The following OLFM2 variants were observed in gnomAD, a reference collection of about 807,000 sequenced individuals.
OLFM2 encodes noelin-2.
Under a neutral mutation model 43.9 loss-of-function variants are expected in OLFM2, and 20 were observed. The observed-to-expected ratio is 0.46, with a 90% CI of 0.32 to 0.66. The LOEUF (loss-of-function observed/expected upper bound fraction) is 0.66. OLFM2 is among the 30% of genes least tolerant of loss of function. OLFM2 has a pLI of 0.04. For missense variants in OLFM2, 416 were observed against 643.6 expected, an observed-to-expected ratio of 0.65 and a Z score of 3.83; for synonymous variants, 268 against 278.6, an observed-to-expected ratio of 0.96 and a Z score of 0.38.
chr19:9,887,739 CCT>C (rs2046600380), intron 1 of OLFM2, among the ~76,000 whole-genome samples: 1 of 152,128 alleles, frequency 6.6e-6, no homozygotes, highest in Non-Finnish European at 1.5e-5. Flanking sequence ...TCCCATCTCC[CCT>C]GAGTTAAAAG....
At position 9,854,923 on chromosome 19, in the gene OLFM2, C is replaced by A; in HGVS notation, c.688-60G>T. 1 of 1,316,180 alleles carries A rather than the reference C, an allele frequency of 7.6e-7. No homozygotes were observed. The highest frequency in any genetic ancestry group is 1.0e-6 in the Non-Finnish European group (1 of 965,808). 81.5% of individuals were successfully genotyped at this position (1,316,180 alleles called of 1,614,324 possible). A position where few individuals can be genotyped will look rare whatever the true frequency, so the allele number is the denominator to read the frequency against. On this transcript the variant is annotated intron_variant, in intron 5 of 5. Transcript: ENST00000264833. This position sits in a 1 kb window ranked among gnomAD's most constrained non-coding sequence, Gnocchi z 9.5. ...ACCACCAACGACCCAAGGGTCCCAG[C>A]ACCAGCTACAGCCATTAGAGTTCAA...
intron 1 of OLFM2, among the ~76,000 whole-genome samples, chr19:9,872,192 CCT>C (rs781618365): frequency 2.3e-4 from 35 of 152,240 alleles, no homozygotes; most frequent in Non-Finnish European, 4.4e-4. Context: ...GCAAATATCC[CCT>C]GAGTGATAAG....
rs1447695251 is a variant in OLFM2, at chr19:9,919,514, GCT to G, written c.63+16788_63+16789del. On this transcript the variant is annotated intron_variant, in intron 1 of 5. Coordinates refer to ENST00000264833, the MANE Select transcript of OLFM2 (RefSeq NM_058164.4). Reference sequence around the variant, plus strand: ...ATTTATTTATTTGAGACAGAGTCTCGCTCTGTCACTCAGGCTGGAGTGCAGTG... The same window carrying G: ...ATTTATTTATTTGAGACAGAGTCTCGCTGTCACTCAGGCTGGAGTGCAGTG... 7.3e-5 allele frequency among the ~76,000 whole-genome samples: 11 copies of G among 151,572 alleles called. No homozygotes were observed. In the East Asian group the frequency reaches 2.1e-3, roughly 29 times the overall value.
At chr19:9,916,213 C>T (rs941862109) in intron 1 of OLFM2, among the ~76,000 whole-genome samples, 7 of 151,932 alleles carry the variant, frequency 4.6e-5, no homozygotes, top group African/African-American at 7.3e-5. Flanking sequence ...AAAAGTTAGC[C>T]GGGTATGGTG....
chr19:9,913,609 C>T, intron 1 of OLFM2: 3 of 1,306,242 alleles, frequency 2.3e-6, no homozygotes, highest in East Asian at 3.7e-5. Flanking sequence ...TGAGCAGCGG[C>T]ACCGACATCG....
At chr19:9,910,043 T>C (rs898859964) in intron 1 of OLFM2, among the ~76,000 whole-genome samples, 1 of 152,030 alleles carries the variant, frequency 6.6e-6, no homozygotes, top group African/African-American at 2.4e-5. Context: ...TACCATCTCA[T>C]AAAGACTCTA....
At chr19:9,908,583 A>G (rs924390383) in intron 1 of OLFM2, among the ~76,000 whole-genome samples, 2 of 141,254 alleles carry the variant, frequency 1.4e-5, no homozygotes, top group Non-Finnish European at 3.0e-5. Flanking sequence ...GGTTCACGCC[A>G]TTCTCCTGCC....
chr19:9,883,105 G>A (rs2046554538), intron 1 of OLFM2, among the ~76,000 whole-genome samples: 1 of 151,666 alleles, frequency 6.6e-6, no homozygotes, highest in East Asian at 1.9e-4. Context: ...AGCTACTTGG[G>A]AGGCTGAGGC....
chr19:9,913,332 G>T lies in OLFM2; in HGVS notation c.63+22972C>A, dbSNP rs372984142. ...ACGTCCGACCCTGGAACCCCGAGAGGGCGTCCCCTACCCAGGCGTGCCGGG... is the reference window on the plus strand; with the variant it reads ...ACGTCCGACCCTGGAACCCCGAGAGTGCGTCCCCTACCCAGGCGTGCCGGG... On this transcript the variant is annotated intron_variant, in intron 1 of 5. Coordinates refer to ENST00000264833, the MANE Select transcript of OLFM2 (RefSeq NM_058164.4). 1.1e-3 allele frequency among the ~76,000 whole-genome samples: 173 copies of T among 152,262 alleles called. 1 individual carries two copies. Among genetic ancestry groups the T allele is most frequent in the African/African-American group, 3.8e-3 (159 of 41,574 alleles).
chr19:9,883,817 C>A (rs2046561576), intron 1 of OLFM2, among the ~76,000 whole-genome samples: 1 of 152,132 alleles, frequency 6.6e-6, no homozygotes, highest in South Asian at 2.1e-4. Context: ...GCACGGGGGA[C>A]CTCATCGCAC....
chr19:9,883,356 AT>A (rs1293600129), intron 1 of OLFM2, among the ~76,000 whole-genome samples: 1 of 152,102 alleles, frequency 6.6e-6, no homozygotes, highest in East Asian at 1.9e-4. Flanking sequence ...TTTCAGATGA[AT>A]CAATCTCAGA....
intron 1 of OLFM2, among the ~76,000 whole-genome samples, chr19:9,906,341 T>G (rs1285098308): frequency 6.6e-6 from 1 of 152,108 alleles, no homozygotes; most frequent in African/African-American, 2.4e-5. Flanking sequence ...GCTTAATTAA[T>G]TAGTCCTCAT....
chr19:9,904,251 C>T (rs1434253668), intron 1 of OLFM2, among the ~76,000 whole-genome samples: 2 of 150,516 alleles, frequency 1.3e-5, no homozygotes, highest in East Asian at 2.0e-4. Context: ...AGTGCAGGGG[C>T]AGGATCTCGG....
chr19:9,875,457 G>A (rs990049829), intron 1 of OLFM2, among the ~76,000 whole-genome samples: 13 of 151,962 alleles, frequency 8.6e-5, no homozygotes, highest in African/African-American at 3.1e-4. Flanking sequence ...TGCTGGGACT[G>A]AGGTGGCCTT....
chr19:9,930,939 C>T (rs755822953), intron 1 of OLFM2, among the ~76,000 whole-genome samples: 2 of 152,064 alleles, frequency 1.3e-5, no homozygotes, highest in Non-Finnish European at 2.9e-5. Context: ...GACCTGGGCA[C>T]CCCCATCCCA....
At chr19:9,935,976 T>G (rs1056622079) in intron 1 of OLFM2, among the ~76,000 whole-genome samples, 1 of 151,440 alleles carries the variant, frequency 6.6e-6, no homozygotes, top group South Asian at 2.1e-4. Context: ...ACCGCCCCCC[T>G]CCAATGCCCC....
At position 9,875,296 on chromosome 19, in the gene OLFM2, C is replaced by T. The variant is rs190290117; in HGVS notation, c.64-14502G>A. 2.6e-5 allele frequency among the ~76,000 whole-genome samples: 4 copies of T among 152,288 alleles called. No individual in the cohort carries two copies. In the East Asian group the frequency reaches 7.7e-4, roughly 29 times the overall value. ...TAGCAAGATGGGGTTTCTTCCTTCA[C>T]GGAGCTGTCACTTGATTTATCTGCT... On this transcript the variant is annotated intron_variant, in intron 1 of 5. Transcript: ENST00000264833.
At chr19:9,866,368 G>C (rs985152819) in intron 1 of OLFM2, among the ~76,000 whole-genome samples, 1 of 152,162 alleles carries the variant, frequency 6.6e-6, no homozygotes. Context: ...GGAACAGAGA[G>C]TGTCCTACTC....
chr19:9,884,492 G>A (rs538681306), intron 1 of OLFM2, among the ~76,000 whole-genome samples: 35 of 152,124 alleles, frequency 2.3e-4, no homozygotes, highest in Admixed American at 1.2e-3. Flanking sequence ...CAGGAGAATC[G>A]CTTGAACCTG....
Sources: allele counts gnomAD v4.1 joint callset (sites outside exome capture counted in the v4.1 genomes callset), GRCh38; gene constraint gnomAD v4.1.1; non-coding constraint Gnocchi (gnomAD v3.1); transcripts MANE v1.5; gene names NCBI Gene and HGNC (gene_info 2026-07-23, HGNC 2026-07-21).